HTR2C: variants seen among roughly 807,000 people sequenced by gnomAD.
The protein encoded by HTR2C is 5-hydroxytryptamine (serotonin) receptor 2C, G protein-coupled.
A neutral mutation model predicts 21.0 loss-of-function variants in HTR2C; 5 were observed. The ratio of observed to expected loss-of-function variants is 0.24; its 90% confidence interval spans 0.12 to 0.50. HTR2C has a LOEUF of 0.50. Among genes scored for constraint, HTR2C ranks in the 20% least tolerant of loss-of-function variants. HTR2C has a pLI of 0.98. For missense variants in HTR2C, 271 were observed against 371.2 expected, an observed-to-expected ratio of 0.73 and a Z score of 2.22; for synonymous variants, 150 against 145.3, an observed-to-expected ratio of 1.03 and a Z score of -0.23.
At chrX:114,785,629 A>T (rs1482395971) in intron 4 of HTR2C, among the ~76,000 whole-genome samples, 1 of 111,913 alleles carries the variant, frequency 8.9e-6, no homozygotes, top group Non-Finnish European at 1.9e-5. Flanking sequence ...TACCCCAAAT[A>T]AATTAGAGTT....
At chrX:114,748,131 A>G (rs1221096686) in intron 4 of HTR2C, among the ~76,000 whole-genome samples, 2 of 112,197 alleles carry the variant, frequency 1.8e-5, no homozygotes, top group African/African-American at 6.5e-5. Context: ...AGTGGTGGAA[A>G]TTGGAAGTCA....
rs1490009737 is a variant in HTR2C, at chrX:114,703,989, C to T, written c.-79-22869C>T. ...ATGGATAAATTCCTCGACACATACACCCTCCCAAGAATAAACCAGGAAGAA... is the reference window on the plus strand; with the variant it reads ...ATGGATAAATTCCTCGACACATACATCCTCCCAAGAATAAACCAGGAAGAA... On this transcript the variant is annotated intron_variant, in intron 2 of 5. Coordinates refer to ENST00000276198, the MANE Select transcript of HTR2C (RefSeq NM_000868.4). 1.2e-4 allele frequency among the ~76,000 whole-genome samples: 13 copies of T among 110,279 alleles called. No homozygotes were observed. The Admixed American group carries it at 1.3e-3, about 11-fold the overall frequency.
intron 2 of HTR2C, among the ~76,000 whole-genome samples, chrX:114,701,250 C>A (rs1932480969): frequency 8.9e-6 from 1 of 112,148 alleles, no homozygotes; most frequent in Non-Finnish European, 1.9e-5. Flanking sequence ...AACGGGCAGA[C>A]TGCCTCCTCA....
intron 2 of HTR2C, among the ~76,000 whole-genome samples, chrX:114,716,458 A>T (rs901236252): frequency 4.0e-4 from 44 of 110,531 alleles, no homozygotes; most frequent in African/African-American, 6.2e-4. Flanking sequence ...GGAGAAAAAA[A>T]TTTTTTTTTC....
intron 5 of HTR2C, among the ~76,000 whole-genome samples, chrX:114,854,018 T>G (rs2070939663): frequency 8.9e-6 from 1 of 111,846 alleles, no homozygotes; most frequent in Admixed American, 9.5e-5. Context: ...GCCAAACCTA[T>G]ATGTCACTCT....
At chrX:114,756,665 G>A (rs1337373516) in intron 4 of HTR2C, among the ~76,000 whole-genome samples, 1 of 111,847 alleles carries the variant, frequency 8.9e-6, no homozygotes, top group East Asian at 2.8e-4. Flanking sequence ...TGCTTTTCAG[G>A]GTTTAAGGAT....
At chrX:114,727,073 C>T (rs1199600089) in intron 3 of HTR2C, 102 bp downstream of exon 3, 5 of 448,762 alleles carry the variant, frequency 1.1e-5, no homozygotes, top group Non-Finnish European at 1.8e-5. Flanking sequence ...CTATATTTGC[C>T]TAAATCTGCA....
intron 4 of HTR2C, among the ~76,000 whole-genome samples, chrX:114,783,074 T>C (rs2070136251): frequency 9.0e-6 from 1 of 111,710 alleles, no homozygotes; most frequent in African/African-American, 3.2e-5. Context: ...AGAGTAGCTA[T>C]AAACCCAATG....
chrX:114,788,771 C>T (rs7882977), intron 4 of HTR2C, among the ~76,000 whole-genome samples: 93 of 110,486 alleles, frequency 8.4e-4, no homozygotes, highest in African/African-American at 3.0e-3. Context: ...ACCTCAGACT[C>T]CTGGGTAGCT....
intron 4 of HTR2C, among the ~76,000 whole-genome samples, chrX:114,831,469 T>A (rs1407081052): frequency 2.1e-5 from 2 of 96,604 alleles, no homozygotes; most frequent in African/African-American, 7.4e-5. Flanking sequence ...CATTTTTTCA[T>A]GTGTTTTTTG....
chrX:114,690,182 G>A (rs12833104), intron 2 of HTR2C, among the ~76,000 whole-genome samples: 15,395 of 110,770 alleles, frequency 0.14, 946 homozygotes, highest in South Asian at 0.3. Flanking sequence ...GAGCAATAAC[G>A]ATGATAGTGA....
chrX:114,793,728 T>A (rs1202069232), intron 4 of HTR2C, among the ~76,000 whole-genome samples: 1 of 110,454 alleles, frequency 9.1e-6, no homozygotes, highest in Non-Finnish European at 1.9e-5. Context: ...CTTAGGCTTT[T>A]TTTTTTATTT....
intron 4 of HTR2C, among the ~76,000 whole-genome samples, chrX:114,764,164 C>T (rs2069911635): frequency 9.1e-6 from 1 of 110,470 alleles, no homozygotes; most frequent in Admixed American, 9.7e-5. Context: ...TTTGGGAGGC[C>T]GAGGCGGGCA....
chrX:114,834,015 G>A (rs1292038300), intron 4 of HTR2C, among the ~76,000 whole-genome samples: 4 of 110,738 alleles, frequency 3.6e-5, no homozygotes, highest in Non-Finnish European at 7.6e-5. Flanking sequence ...GCGGTTTTGA[G>A]TGAGATTCTT....
intron 5 of HTR2C, among the ~76,000 whole-genome samples, chrX:114,855,041 A>C: frequency 8.9e-6 from 1 of 112,116 alleles, no homozygotes; most frequent in East Asian, 2.8e-4. Flanking sequence ...CTGACTTAAT[A>C]GAAGATAGCT....
At chrX:114,615,345 C>G (rs1302546687) in intron 2 of HTR2C, among the ~76,000 whole-genome samples, 3 of 107,538 alleles carry the variant, frequency 2.8e-5, no homozygotes, top group Non-Finnish European at 3.9e-5. Flanking sequence ...TTGATGCTAT[C>G]AACAGCTTTC....
chrX:114,709,569 A>G (rs1253631959), intron 2 of HTR2C, among the ~76,000 whole-genome samples: 1 of 112,225 alleles, frequency 8.9e-6, no homozygotes, highest in Non-Finnish European at 1.9e-5. Flanking sequence ...TTTTGCATAA[A>G]CAACTTATGT....
intron 4 of HTR2C, among the ~76,000 whole-genome samples, chrX:114,835,826 T>C (rs1292721362): frequency 5.6e-4 from 62 of 110,477 alleles, no homozygotes; most frequent in African/African-American, 1.8e-3. Flanking sequence ...TTTTTCCCCA[T>C]CTTTGTGGTT....
At chrX:114,822,568 A>C (rs1414260039) in intron 4 of HTR2C, among the ~76,000 whole-genome samples, 2 of 112,483 alleles carry the variant, frequency 1.8e-5, no homozygotes, top group African/African-American at 6.5e-5. Context: ...AGAAAATATC[A>C]ACAGAGAAAT....
Sources: gnomAD v4.1 joint callset for allele counts (sites outside exome capture counted in the v4.1 genomes callset) on GRCh38, gnomAD v4.1.1 for gene constraint, MANE v1.5 for transcripts, NCBI Gene and HGNC (gene_info 2026-07-23, HGNC 2026-07-21) for gene names.